CTTNBP2: variants seen among roughly 807,000 people sequenced by gnomAD.
CTTNBP2 encodes cortactin-binding protein 2.
CTTNBP2 carries 108 observed loss-of-function variants against 156.9 expected under a neutral mutation model. That is an observed-to-expected ratio of 0.69 (90% confidence interval 0.59 to 0.81). The LOEUF (loss-of-function observed/expected upper bound fraction) is 0.81. Ranked by LOEUF, CTTNBP2 falls within the 30% of genes least tolerant of loss-of-function variation. The probability of loss-of-function intolerance (pLI) is 0.00; values close to 1 mark genes in which losing one functional copy is unlikely to be tolerated. For synonymous variants in CTTNBP2, 767 were observed against 751.8 expected, an observed-to-expected ratio of 1.02 and a Z score of -0.33; for missense variants, 1,924 against 2,035.4, an observed-to-expected ratio of 0.95 and a Z score of 1.05.
intron 2 of CTTNBP2, among the ~76,000 whole-genome samples, chr7:117,835,127 C>A (rs904663660): frequency 6.6e-6 from 1 of 152,236 alleles, no homozygotes; most frequent in African/African-American, 2.4e-5. Flanking sequence ...TGAATGGATG[C>A]TCTCAACACT....
rs867165057 is a variant in CTTNBP2 at position 117,804,581 on chromosome 7, T to C, written c.414+6184A>G. ...GTCGTACATATACACCATGGGATAC[T>C]ATAAAGCTGTACAAATGAACAAGAT... On this transcript the variant is annotated intron_variant, in intron 3 of 22. Transcript: ENST00000160373. 1.1e-4 allele frequency among the ~76,000 whole-genome samples: 16 copies of C among 152,332 alleles called. No homozygotes were observed. In the South Asian group the frequency reaches 3.1e-3, roughly 30 times the overall value.
intron 14 of CTTNBP2, among the ~76,000 whole-genome samples, chr7:117,744,490 C>T (rs1247153742): frequency 6.6e-6 from 1 of 152,104 alleles, no homozygotes; most frequent in African/African-American, 2.4e-5. Context: ...TAGTTCCATC[C>T]GTGTTGTTGC....
At chr7:117,833,849 T>C (rs1801768159) in intron 2 of CTTNBP2, among the ~76,000 whole-genome samples, 1 of 152,240 alleles carries the variant, frequency 6.6e-6, no homozygotes, top group African/African-American at 2.4e-5. Context: ...ATTGAGTTAG[T>C]ACTTAATGAT....
chr7:117,855,347 A>G (rs1424412362), intron 2 of CTTNBP2, among the ~76,000 whole-genome samples: 1 of 152,224 alleles, frequency 6.6e-6, no homozygotes, highest in African/African-American at 2.4e-5. Context: ...GCCTGACCTC[A>G]AGTGATCTGC....
chr7:117,753,340 G>T (rs1345050094), intron 12 of CTTNBP2, among the ~76,000 whole-genome samples: 1 of 152,170 alleles, frequency 6.6e-6, no homozygotes, highest in Admixed American at 6.5e-5. Flanking sequence ...GGAAGACAGT[G>T]TGGCGACTCC....
intron 2 of CTTNBP2, among the ~76,000 whole-genome samples, chr7:117,822,995 T>C (rs1801059056): frequency 1.3e-5 from 2 of 152,242 alleles, no homozygotes; most frequent in African/African-American, 2.4e-5. Flanking sequence ...GCTTCATGTA[T>C]ATTGAGGCTC....
chr7:117,809,974 C>T (rs1179865534), intron 3 of CTTNBP2, among the ~76,000 whole-genome samples: 1 of 152,176 alleles, frequency 6.6e-6, no homozygotes, highest in Non-Finnish European at 1.5e-5. Context: ...TAATAAAAGG[C>T]ATCGATAGTC....
intron 12 of CTTNBP2, among the ~76,000 whole-genome samples, chr7:117,748,245 G>A (rs1271522065): frequency 6.6e-6 from 1 of 152,144 alleles, no homozygotes; most frequent in Non-Finnish European, 1.5e-5. Flanking sequence ...GGGGAAGCCT[G>A]GGTGACGTAC....
intron 2 of CTTNBP2, among the ~76,000 whole-genome samples, chr7:117,836,290 A>C (rs1194890986): frequency 1.3e-5 from 2 of 152,044 alleles, no homozygotes; most frequent in Non-Finnish European, 2.9e-5. Context: ...AGTGGCTGGG[A>C]GCGGTGGCTC....
At chr7:117,810,400 A>G (rs1016786505) in intron 3 of CTTNBP2, among the ~76,000 whole-genome samples, 9 of 152,218 alleles carry the variant, frequency 5.9e-5, no homozygotes, top group Non-Finnish European at 1.2e-4. Context: ...GGATGTTACT[A>G]TATGATCAAA....
At chr7:117,806,522 G>A (rs184214004) in intron 3 of CTTNBP2, among the ~76,000 whole-genome samples, 71 of 152,218 alleles carry the variant, frequency 4.7e-4, no homozygotes, top group African/African-American at 1.7e-3. Context: ...CAACCCATCT[G>A]CTCAATCTGA....
intron 9 of CTTNBP2, among the ~76,000 whole-genome samples, chr7:117,765,403 C>T (rs570532557): frequency 5.9e-5 from 9 of 152,210 alleles, no homozygotes; most frequent in East Asian, 1.9e-4. Context: ...CTCAGGTATA[C>T]GAATAATTAC....
chr7:117,775,198 A>G (rs570691593), intron 8 of CTTNBP2, among the ~76,000 whole-genome samples: 1 of 152,308 alleles, frequency 6.6e-6, no homozygotes, highest in South Asian at 2.1e-4. Context: ...TAAAAAATAT[A>G]TTAATAGCCT....
chr7:117,741,565 C>T (rs767212769), intron 14 of CTTNBP2, among the ~76,000 whole-genome samples: 8 of 152,228 alleles, frequency 5.3e-5, no homozygotes, highest in Non-Finnish European at 1.2e-4. Flanking sequence ...TTATAGTATG[C>T]ATTCGCAGCC....
intron 2 of CTTNBP2, among the ~76,000 whole-genome samples, chr7:117,822,134 A>AT (rs1261481258): frequency 1.3e-5 from 2 of 152,164 alleles, no homozygotes; most frequent in South Asian, 4.2e-4. Context: ...TATAAGTGGT[A>AT]TTTTTTCAAG....
chr7:117,786,974 A>G (rs546501649), intron 4 of CTTNBP2, among the ~76,000 whole-genome samples: 4 of 152,310 alleles, frequency 2.6e-5, no homozygotes, highest in African/African-American at 7.2e-5. Context: ...TCTGCAATAT[A>G]TTTTTAAAAT....
chr7:117,748,416 T>A (rs886166426), intron 12 of CTTNBP2, among the ~76,000 whole-genome samples: 12 of 152,330 alleles, frequency 7.9e-5, no homozygotes, highest in Admixed American at 3.9e-4. Flanking sequence ...TCTCCTCTTC[T>A]AGTTCTCTTT....
chr7:117,741,342 T>C (rs1796005438), intron 14 of CTTNBP2, among the ~76,000 whole-genome samples: 1 of 152,196 alleles, frequency 6.6e-6, no homozygotes, highest in Admixed American at 6.5e-5. Context: ...GTCAAGGCCT[T>C]AGCAGATGAA....
intron 8 of CTTNBP2, among the ~76,000 whole-genome samples, chr7:117,774,342 C>G (rs1173837612): frequency 6.6e-6 from 1 of 152,136 alleles, no homozygotes; most frequent in Non-Finnish European, 1.5e-5. Flanking sequence ...TTATCTACAA[C>G]ACAAGGGAAA....
Sources: gnomAD v4.1 joint callset for allele counts (sites outside exome capture counted in the v4.1 genomes callset) on GRCh38, gnomAD v4.1.1 for gene constraint, MANE v1.5 for transcripts, NCBI Gene and HGNC (gene_info 2026-07-23, HGNC 2026-07-21) for gene names.